The following LCORL variants were observed in gnomAD, a reference collection of about 807,000 sequenced individuals.
LCORL encodes ligand-dependent nuclear receptor corepressor-like protein.
LCORL carries 41 observed loss-of-function variants against 141.8 expected under a neutral mutation model. The ratio of observed to expected loss-of-function variants is 0.29; its 90% CI spans 0.23 to 0.38. LCORL has a LOEUF of 0.38. Ranked by LOEUF, LCORL falls within the 10% of genes least tolerant of loss-of-function variation. The pLI is 1.00. For missense variants in LCORL, 1,759 were observed against 2,035.0 expected, an observed-to-expected ratio of 0.86 and a Z score of 2.61; for synonymous variants, 618 against 694.1, an observed-to-expected ratio of 0.89 and a Z score of 1.72.
intron 1 of LCORL, among the ~76,000 whole-genome samples, chr4:17,975,636 T>G (rs1716801508): frequency 6.6e-6 from 1 of 152,174 alleles, no homozygotes; most frequent in East Asian, 1.9e-4. Flanking sequence ...CCTCAGGTGA[T>G]CCATCCATCT....
exon 8 of LCORL, chr4:17,843,917 G>C (rs1316668962): frequency 1.3e-5 from 2 of 152,314 alleles, no homozygotes; most frequent in Non-Finnish European, 2.9e-5. Context: ...AGGAAGACCA[G>C]TATAACGTTC....
At chr4:17,953,945 C>T (rs549818884) in intron 4 of LCORL, among the ~76,000 whole-genome samples, 4 of 152,224 alleles carry the variant, frequency 2.6e-5, no homozygotes, top group African/African-American at 7.2e-5. Flanking sequence ...GGGCAGATCA[C>T]GAGGTCAGGA....
intron 7 of LCORL, among the ~76,000 whole-genome samples, chr4:17,865,757 C>T (rs560111561): frequency 8.5e-5 from 13 of 152,270 alleles, no homozygotes; most frequent in Non-Finnish European, 1.5e-4. Context: ...TTGGGCCCCA[C>T]CCCATACTCA....
intron 4 of LCORL, among the ~76,000 whole-genome samples, chr4:17,961,293 C>T (rs1713735776): frequency 6.6e-6 from 1 of 151,894 alleles, no homozygotes; most frequent in Non-Finnish European, 1.5e-5. Context: ...TCCCAAGTAA[C>T]TAAAATATAA....
chr4:17,972,044 T>C (rs1055157011), intron 2 of LCORL, among the ~76,000 whole-genome samples: 1 of 151,684 alleles, frequency 6.6e-6, no homozygotes, highest in African/African-American at 2.4e-5. Flanking sequence ...CAAGGACACT[T>C]CTCCTTTGAA....
intron 7 of LCORL, among the ~76,000 whole-genome samples, chr4:17,857,176 A>G (rs916215080): frequency 6.6e-6 from 1 of 151,958 alleles, no homozygotes; most frequent in Non-Finnish European, 1.5e-5. Context: ...AGAGCTTGGA[A>G]ATATTCCTGA....
intron 1 of LCORL, among the ~76,000 whole-genome samples, chr4:18,012,639 CCACAT>C (rs1723983055): frequency 1.3e-5 from 2 of 151,960 alleles, no homozygotes; most frequent in South Asian, 4.2e-4. Flanking sequence ...GTTACACATA[CCACAT>C]CTCAGTAACT....
intron 7 of LCORL, among the ~76,000 whole-genome samples, chr4:17,869,580 T>C (rs114121900): frequency 0.034 from 5,142 of 152,262 alleles, 122 homozygotes; most frequent in Non-Finnish European, 0.051. Context: ...TGTCTCCTTT[T>C]GTATACATCC....
At chr4:17,844,873 T>A (rs1230977705) in exon 8 of LCORL, 1 of 152,108 alleles carries the variant, frequency 6.6e-6, no homozygotes, top group Non-Finnish European at 1.5e-5. Context: ...AAACCTTTAG[T>A]ATTCTGAGTA....
At chr4:17,876,180 C>A (rs529051794) in exon 7 of LCORL, 6 of 1,230,860 alleles carry the variant, frequency 4.9e-6, no homozygotes, top group African/African-American at 4.7e-5. Flanking sequence ...ATTTTCAACA[C>A]TGGAAATCAA....
intron 4 of LCORL, among the ~76,000 whole-genome samples, chr4:17,911,185 CA>C (rs1339148693): frequency 6.6e-6 from 1 of 151,846 alleles, no homozygotes; most frequent in Non-Finnish European, 1.5e-5. Context: ...CTGTACTTGG[CA>C]TATTAATAGT....
chr4:17,877,048 C>T, exon 7 of LCORL: 1 of 1,230,456 alleles, frequency 8.1e-7, no homozygotes, highest in Non-Finnish European at 1.0e-6. Context: ...GAACTTTTTT[C>T]GGTGTATTTT....
At chr4:17,887,674 G>A (rs1728479015) in intron 5 of LCORL, among the ~76,000 whole-genome samples, 1 of 152,148 alleles carries the variant, frequency 6.6e-6, no homozygotes, top group Non-Finnish European at 1.5e-5. Flanking sequence ...CAAGAACTTC[G>A]CATTTCATTC....
At chr4:17,878,124 T>C (rs543117018) in exon 7 of LCORL, 112 of 1,230,396 alleles carry the variant, frequency 9.1e-5, no homozygotes, top group Non-Finnish European at 1.1e-4. Flanking sequence ...TTGCTGGTGA[T>C]GTATGCACAA....
At chr4:18,000,126 C>CTTT (rs11407271) in intron 1 of LCORL, among the ~76,000 whole-genome samples, 1,308 of 130,694 alleles carry the variant, frequency 0.01, 42 homozygotes, top group African/African-American at 0.035. Context: ...ATTTGTGGTT[C>CTTT]TTTTTTTTTT....
chr4:17,909,859 AT>A (rs1205500443), intron 4 of LCORL, among the ~76,000 whole-genome samples: 1 of 152,058 alleles, frequency 6.6e-6, no homozygotes, highest in Non-Finnish European at 1.5e-5. Flanking sequence ...TTTTCTTTTG[AT>A]TTTTTATATA....
intron 4 of LCORL, chr4:17,913,076 T>A (rs929847978): frequency 2.6e-5 from 6 of 232,232 alleles, no homozygotes; most frequent in Non-Finnish European, 5.1e-5. Context: ...TGAGATGATG[T>A]TGAAGATAAA....
chr4:17,914,570 C>A (rs1733092196), intron 4 of LCORL, among the ~76,000 whole-genome samples: 1 of 152,196 alleles, frequency 6.6e-6, no homozygotes, highest in Admixed American at 6.5e-5. Context: ...GACAGACAGA[C>A]AAAGAGAATG....
intron 7 of LCORL, among the ~76,000 whole-genome samples, chr4:17,860,341 T>C (rs1330662732): frequency 6.6e-6 from 1 of 152,130 alleles, no homozygotes; most frequent in African/African-American, 2.4e-5. Flanking sequence ...CTCACAATCA[T>C]GGTGAAAGGT....
Sources: gnomAD v4.1 joint callset for allele counts (sites outside exome capture counted in the v4.1 genomes callset) on GRCh38, gnomAD v4.1.1 for gene constraint, MANE v1.5 for transcripts, NCBI Gene and HGNC (gene_info 2026-07-23, HGNC 2026-07-21) for gene names.